Variants in RPS6KC1 observed in about 807,000 individuals in gnomAD.
The protein encoded by RPS6KC1 is inactive ribosomal protein S6 kinase delta-1.
A neutral mutation model predicts 103.8 loss-of-function variants in RPS6KC1; 54 were observed. The observed-to-expected ratio is 0.52, with a 90% CI of 0.42 to 0.65. The LOEUF is 0.65. RPS6KC1 is among the 30% of genes least tolerant of loss of function. RPS6KC1 has a pLI of 0.00. For missense variants in RPS6KC1, 1,151 were observed against 1,253.8 expected, an observed-to-expected ratio of 0.92 and a Z score of 1.24; for synonymous variants, 439 against 438.7, an observed-to-expected ratio of 1.00 and a Z score of -0.01.
At chr1:213,563,977 T>TC in the RPS6KC1 span, among the ~76,000 whole-genome samples, 1 of 151,488 alleles carries the variant, frequency 6.6e-6, no homozygotes, top group Non-Finnish European at 1.5e-5. Flanking sequence ...TACCTCTTTT[T>TC]TTTTTTTTGT....
intron 2 of RPS6KC1, among the ~76,000 whole-genome samples, chr1:213,077,117 G>A (rs2079418020): frequency 6.6e-6 from 1 of 152,204 alleles, no homozygotes; most frequent in African/African-American, 2.4e-5. Flanking sequence ...TGATCCACCT[G>A]CCTTGGCCTC....
chr1:213,318,107 T>A, the RPS6KC1 span, among the ~76,000 whole-genome samples: 2 of 152,256 alleles, frequency 1.3e-5, no homozygotes, highest in African/African-American at 2.4e-5. Context: ...TGTGGGCCAG[T>A]AGCTGTTTCC....
At chr1:213,230,234 G>A (rs145018223) in intron 8 of RPS6KC1, among the ~76,000 whole-genome samples, 1 of 152,150 alleles carries the variant, frequency 6.6e-6, no homozygotes, top group East Asian at 1.9e-4. Context: ...TTACTTCTAA[G>A]AAATACATTT....
At chr1:213,519,201 C>G in the RPS6KC1 span, among the ~76,000 whole-genome samples, 2 of 152,064 alleles carry the variant, frequency 1.3e-5, no homozygotes, top group Non-Finnish European at 2.9e-5. Context: ...TAATTGGTGA[C>G]CATGGTAACA....
At position 213,051,245 on chromosome 1, in the gene RPS6KC1, C is replaced by A; in HGVS notation, c.-160C>A. 1 of 603,398 alleles carries A rather than the reference C, an allele frequency of 1.7e-6. No individual in the cohort carries two copies. The highest frequency in any genetic ancestry group is 2.9e-6 in the Non-Finnish European group (1 of 340,142). The allele number at this position is 603,398 out of a possible 1,614,324, so 37.4% of individuals were successfully genotyped here. On this transcript the variant is annotated 5_prime_UTR_variant, in exon 1 of 15. Coordinates refer to ENST00000366960, the MANE Select transcript of RPS6KC1 (RefSeq NM_012424.6). ...TGGCCCGGAAGCTTCTCTGCTGACC[C>A]GGAAGCAGAGCTGTGCAGCTGAGGC... is the stretch of plus-strand genomic sequence containing the variant.
Position 213,267,877 on chromosome 1 carries a change from T to C in RPS6KC1, c.3091-4647T>C, listed in dbSNP as rs540722084. Reference sequence around the variant, plus strand: ...ATGAACTTAAATTAATAGAAATTATTGAATCAGAAAAATGGACACAAAAAT... The same window carrying C: ...ATGAACTTAAATTAATAGAAATTATCGAATCAGAAAAATGGACACAAAAAT... On this transcript the variant is annotated intron_variant, in intron 14 of 14. Transcript: ENST00000366960. 3.3e-5 allele frequency among the ~76,000 whole-genome samples: 5 copies of C among 151,728 alleles called. No homozygotes were observed. In the East Asian group the frequency reaches 9.7e-4, roughly 29 times the overall value.
chr1:213,574,488 G>T, the RPS6KC1 span, among the ~76,000 whole-genome samples: 1 of 152,202 alleles, frequency 6.6e-6, no homozygotes, highest in East Asian at 1.9e-4. Flanking sequence ...ACCCTGGAGG[G>T]TCTCTATTAG....
chr1:213,389,204 C>A, the RPS6KC1 span, among the ~76,000 whole-genome samples: 1 of 151,604 alleles, frequency 6.6e-6, no homozygotes, highest in Admixed American at 6.6e-5. Flanking sequence ...TGGTAATGTA[C>A]CAACAGCTGG....
intron 8 of RPS6KC1, chr1:213,205,347 TC>T (rs1261885666): frequency 1.0e-6 from 1 of 984,190 alleles, no homozygotes; most frequent in Non-Finnish European, 1.2e-6. Flanking sequence ...CTTTTAAGAG[TC>T]CCATGGAACA....
chr1:213,113,972 A>C lies in RPS6KC1; in HGVS notation c.379-3345A>C, dbSNP rs889077120. Among the ~76,000 whole-genome samples the C allele has an allele frequency of 5.2e-4, 79 of 152,168 alleles. 1 individual carries two copies. The highest frequency in any genetic ancestry group is 1.9e-3 in the African/African-American group (77 of 41,494). On this transcript the variant is annotated intron_variant, in intron 4 of 14. Transcript: ENST00000366960. ...GTTTTGGTTACTGTAGCCTTGTAGT[A>C]TAGTTTGAAGTCAGGTAGGGTGATG...
At chr1:213,209,698 A>G (rs985069623) in intron 8 of RPS6KC1, among the ~76,000 whole-genome samples, 13 of 131,664 alleles carry the variant, frequency 9.9e-5, no homozygotes, top group African/African-American at 4.1e-4. Context: ...TCCGTCTCAA[A>G]AAAAAAAAAA....
the RPS6KC1 span, among the ~76,000 whole-genome samples, chr1:213,708,703 A>G: frequency 5.3e-5 from 8 of 152,120 alleles, no homozygotes; most frequent in African/African-American, 1.4e-4. Context: ...TAAATAGCTC[A>G]TATTATTTTG....
At chr1:213,611,864 G>A in the RPS6KC1 span, among the ~76,000 whole-genome samples, 1 of 152,176 alleles carries the variant, frequency 6.6e-6, no homozygotes, top group South Asian at 2.1e-4. Flanking sequence ...TGAAATAGGT[G>A]GGAGGGAAGG....
At chr1:213,226,613 A>T (rs1297575512) in intron 8 of RPS6KC1, among the ~76,000 whole-genome samples, 1 of 151,982 alleles carries the variant, frequency 6.6e-6, no homozygotes, top group Non-Finnish European at 1.5e-5. Flanking sequence ...TTTTCTTATC[A>T]CTCATTATGA....
the RPS6KC1 span, among the ~76,000 whole-genome samples, chr1:213,432,389 T>A: frequency 2.0e-5 from 3 of 152,218 alleles, no homozygotes; most frequent in Admixed American, 2.0e-4. Flanking sequence ...TTCTCTTATT[T>A]TTATCTTCTA....
the RPS6KC1 span, among the ~76,000 whole-genome samples, chr1:213,624,673 G>A: frequency 9.9e-5 from 15 of 152,164 alleles, no homozygotes; most frequent in Non-Finnish European, 1.9e-4. Flanking sequence ...CACCCACTAC[G>A]CTTAATAGCC....
chr1:213,261,374 A>G (rs1472356577), intron 12 of RPS6KC1, among the ~76,000 whole-genome samples, 184 bp from the exon 13 acceptor site: 3 of 152,198 alleles, frequency 2.0e-5, no homozygotes, highest in Non-Finnish European at 4.4e-5. Flanking sequence ...GCATCAAAAA[A>G]AAAAATATAT....
the RPS6KC1 span, among the ~76,000 whole-genome samples, chr1:213,618,582 T>A: frequency 6.6e-6 from 1 of 152,228 alleles, no homozygotes; most frequent in Non-Finnish European, 1.5e-5. Flanking sequence ...ATCACTAGAA[T>A]GAGTATTATT....
the RPS6KC1 span, among the ~76,000 whole-genome samples, chr1:213,340,810 A>G: frequency 1.7e-4 from 26 of 151,624 alleles, no homozygotes; most frequent in Non-Finnish European, 3.1e-4. Context: ...CTGTGAATGG[A>G]CAGAAGTGTG....
Sources: allele counts gnomAD v4.1 joint callset (sites outside exome capture counted in the v4.1 genomes callset), GRCh38; gene constraint gnomAD v4.1.1; transcripts MANE v1.5; gene names NCBI Gene and HGNC (gene_info 2026-07-23, HGNC 2026-07-21).